The following IQCN variants were observed in gnomAD, a reference collection of about 807,000 sequenced individuals.
IQCN encodes IQ domain-containing protein N.
Under a neutral mutation model 64.4 loss-of-function variants are expected in IQCN, and 46 were observed. That is an observed-to-expected ratio of 0.71 (90% CI 0.56 to 0.91). The LOEUF (loss-of-function observed/expected upper bound fraction) is 0.91. IQCN is among the 40% of genes least tolerant of loss of function. The pLI is 0.00. For synonymous variants in IQCN, 733 were observed against 775.6 expected (o/e 0.95, Z 0.91); for missense variants, 1,753 against 1,857.4 (o/e 0.94, Z 1.03).
rs748095173 is a variant in IQCN at position 18,265,462 on chromosome 19, T to A, written c.2078A>T (p.Gln693Leu). 2.6e-5 allele frequency: 42 copies of A among 1,613,654 alleles called. 1 individual carries two copies. In the East Asian group the frequency reaches 9.4e-4, roughly 36 times the overall value. The change falls in exon 3 of 4, where the codon CAG (glutamine) becomes CTG (leucine). Residue 693 changes from glutamine to leucine, a missense_variant. Coordinates refer to ENST00000392413, the MANE Select transcript of IQCN (RefSeq NM_001145304.2). The surrounding 1 kb of genome is among the most constrained non-coding windows in gnomAD (Gnocchi z 4.7). ...GGTCAGCTCAGTGGGCAGATGTCCC[T>A]GAGATGAGGCCTTGGTCAGCGGGGC... The part of the protein sequence containing the change: ...LAAPLTKASS[Q>L]GHLPTELTKT...
rs1193149099 is a variant in IQCN at position 18,265,749 on chromosome 19, A to C, written c.1791T>G (p.Ala597=). ...TTTTCTCGGCTTCCAAAGGAAGCTC[A>C]GCTGCAGCCCTGGGGACCCCAGTTC... is the stretch of plus-strand genomic sequence containing the variant. ...HPGTGVPRAA[A]ELPLEAEKIK... The change falls in exon 3 of 4, where the codon GCT becomes GCG. Residue 597 remains alanine, a synonymous_variant. Coordinates refer to ENST00000392413, the MANE Select transcript of IQCN (RefSeq NM_001145304.2). The surrounding 1 kb of genome is among the most constrained non-coding windows in gnomAD (Gnocchi z 4.7). 2.5e-6 allele frequency: 4 copies of C among 1,614,062 alleles called. No homozygotes were observed. The Admixed American group carries it at 5.0e-5, about 20-fold the overall frequency.
At chr19:18,269,016 G>C (rs919770917) in intron 2 of IQCN, among the ~76,000 whole-genome samples, 2 of 150,510 alleles carry the variant, frequency 1.3e-5, no homozygotes, top group Non-Finnish European at 2.9e-5. Flanking sequence ...TGTAGTCCCA[G>C]CTAGTCGGGA....
intron 1 of IQCN, among the ~76,000 whole-genome samples, chr19:18,272,129 T>C (rs537683745): frequency 3.0e-4 from 32 of 108,256 alleles, no homozygotes; most frequent in African/African-American, 1.0e-3. Flanking sequence ...GCCTGGCCTT[T>C]TTTTTTTTCT....
Position 18,264,660 on chromosome 19 carries a change from C to T in IQCN, c.2880G>A (p.Arg960=), listed in dbSNP as rs1314809477. 11 of 1,551,262 alleles carry T rather than the reference C, an allele frequency of 7.1e-6. No homozygotes were observed. Among genetic ancestry groups the T allele is most frequent in the Non-Finnish European group, 5.2e-6 (6 of 1,147,012 alleles). ...LSRALSRGEL[R]AELTKVMQGK... ...CCTGCATGACCTTGGTGAGTTCCGC[C>T]CGCAGCTCGCCCCGGGACAGGGCTC... is the stretch of plus-strand genomic sequence containing the variant. Residue 960 remains arginine, a synonymous_variant, in exon 3 of 4, where the codon CGG becomes CGA. Transcript: ENST00000392413. The surrounding 1 kb of genome is among the most constrained non-coding windows in gnomAD (Gnocchi z 4.3).
Position 18,257,400 on chromosome 19 carries a change from C to G in IQCN, c.3884G>C (p.Arg1295Thr). 1 of 1,610,898 alleles carries G rather than the reference C, an allele frequency of 6.2e-7. No homozygotes were observed. Among genetic ancestry groups the G allele is most frequent in the Non-Finnish European group, 8.5e-7 (1 of 1,179,584 alleles). ...SAYQLAALSP[R>T]QPHRQDKAAT... Reference sequence around the variant, plus strand: ...CGCTTTGTCCTGGCGATGCGGCTGCCTGGGACTCAGGGCAGCCAGCTGGTA... The same window carrying G: ...CGCTTTGTCCTGGCGATGCGGCTGCGTGGGACTCAGGGCAGCCAGCTGGTA... Residue 1295 changes from arginine (R) to threonine (T), a missense_variant, in exon 4 of 4, where the codon AGG becomes ACG. Coordinates refer to ENST00000392413, the MANE Select transcript of IQCN (RefSeq NM_001145304.2).
Position 18,265,858 on chromosome 19 carries a change from T to C in IQCN, c.1682A>G (p.Lys561Arg). ...PPKAKATVNV[K>R]QAAKVVKASS... is the part of the protein sequence containing the mutation. ...GGCTTTCACCACCTTTGCAGCCTGCTTCACATTCACGGTGGCCTTGGCCTT... is the reference window on the plus strand; with the variant it reads ...GGCTTTCACCACCTTTGCAGCCTGCCTCACATTCACGGTGGCCTTGGCCTT... The change falls in exon 3 of 4, where the codon AAG becomes AGG. Residue 561 changes from lysine to arginine, a missense_variant. Transcript: ENST00000392413. The surrounding 1 kb of genome is among the most constrained non-coding windows in gnomAD (Gnocchi z 4.7). The C allele has an allele frequency of 6.2e-7, 1 of 1,614,190 alleles. No individual in the cohort carries two copies. The highest frequency in any genetic ancestry group is 8.5e-7 in the Non-Finnish European group (1 of 1,180,024).
intron 3 of IQCN, chr19:18,258,526 CTG>C: frequency 2.3e-6 from 1 of 431,024 alleles, no homozygotes; most frequent in South Asian, 1.7e-5. Flanking sequence ...TTTCCAGACA[CTG>C]TTTTCTGGAG....
At chr19:18,270,359 CAAA>C (rs199590561) in intron 1 of IQCN, among the ~76,000 whole-genome samples, 2 of 121,526 alleles carry the variant, frequency 1.6e-5, no homozygotes, top group Non-Finnish European at 1.8e-5. Context: ...AAAACTGTCT[CAAA>C]AAAAAAAAAA....
chr19:18,268,806 AC>A (rs1969666137), intron 2 of IQCN, among the ~76,000 whole-genome samples: 2 of 152,082 alleles, frequency 1.3e-5, no homozygotes, highest in African/African-American at 4.8e-5. Flanking sequence ...TACTGAAAAT[AC>A]AAAAATTAGC....
chr19:18,269,407 G>A, intron 2 of IQCN, 59 bp downstream of exon 2: 2 of 1,571,406 alleles, frequency 1.3e-6, no homozygotes, highest in Non-Finnish European at 1.8e-6. Context: ...TTGTTTGGCA[G>A]AAGCCCCTCT....
rs781247377 is a variant in IQCN, at chr19:18,267,061, T to C, written c.479A>G (p.Glu160Gly). Residue 160 changes from glutamate (E) to glycine (G), a missense_variant, in exon 3 of 4, where the codon GAG becomes GGG. Transcript: ENST00000392413. ...TGGGGCGTGATAAGGTATGTCCCCC[T>C]CCTCCGCCCTCGTTTTCTTTACCAA... Reference protein sequence around the residue: ...KSLVKKTRAEEGDIPYHAPQQ... With the variant: ...KSLVKKTRAEGGDIPYHAPQQ... The C allele has an allele frequency of 1.1e-5, 17 of 1,614,124 alleles. No individual in the cohort carries two copies.
intron 1 of IQCN, among the ~76,000 whole-genome samples, chr19:18,271,691 A>G (rs1158763771): frequency 1.3e-5 from 2 of 152,142 alleles, no homozygotes; most frequent in Non-Finnish European, 2.9e-5. Context: ...AGATGTGGGA[A>G]CAGGTTATCA....
At chr19:18,259,009 G>T in intron 3 of IQCN, 1 of 158,382 alleles carries the variant, frequency 6.3e-6, no homozygotes. Context: ...ATAGGTCATT[G>T]GATCCACTTG....
Position 18,265,711 on chromosome 19 carries a change from G to T in IQCN, c.1829C>A (p.Thr610Asn). ...PLEAEKIKTG[T>N]QKQAKTDMAF... is the part of the protein sequence containing the mutation. The stretch of plus-strand genomic sequence containing the variant: ...CATGTCTGTTTTCGCCTGTTTCTGG[G>T]TGCCAGTCTTGATTTTCTCGGCTTC... Residue 610 changes from threonine (T) to asparagine (N), a missense_variant, in exon 3 of 4, where the codon ACC becomes AAC. Physicochemically the swap from Thr to Asn is moderately conservative, Grantham distance 65. Transcript: ENST00000392413. This position sits in a 1 kb window ranked among gnomAD's most constrained non-coding sequence, Gnocchi z 4.7. 1.9e-6 allele frequency: 3 copies of T among 1,614,140 alleles called. No individual in the cohort carries two copies. Among genetic ancestry groups the T allele is most frequent in the South Asian group, 2.2e-5 (2 of 91,086 alleles).
At position 18,266,302 on chromosome 19, in the gene IQCN, C is replaced by T; in HGVS notation, c.1238G>A (p.Gly413Asp). 1 of 1,613,242 alleles carries T rather than the reference C, an allele frequency of 6.2e-7. No homozygotes were observed. The highest frequency in any genetic ancestry group is 1.3e-5 in the African/African-American group (1 of 74,944). The change falls in exon 3 of 4, where the codon GGC becomes GAC. Residue 413 changes from glycine to aspartate, a missense_variant. Transcript: ENST00000392413. This position sits in a 1 kb window ranked among gnomAD's most constrained non-coding sequence, Gnocchi z 4.3. The stretch of plus-strand genomic sequence containing the variant: ...CGCAGGGCATGTCTGCCGTGGGGTG[C>T]CAGTTCTGGAGGCTGTGGGGTGTAC... ...IQVHPTASRT[G>D]TPRQTCPATI...
Position 18,264,516 on chromosome 19 carries a change from G to A in IQCN, c.3024C>T (p.Ala1008=), listed in dbSNP as rs1969500309. The change falls in exon 3 of 4, where the codon GCC becomes GCT. Residue 1008 remains alanine, a synonymous_variant. Coordinates refer to ENST00000392413, the MANE Select transcript of IQCN (RefSeq NM_001145304.2). The surrounding 1 kb of genome is among the most constrained non-coding windows in gnomAD (Gnocchi z 4.3). ...TGGGGAGGATGGTTCCAGTCCTCAG[G>A]GCCACCCGACACCAAGACTGGCTCA... The part of the protein sequence containing the change: ...ALLSQSWCRV[A]LRTGTILPKA... 5.8e-6 allele frequency: 9 copies of A among 1,551,340 alleles called. No individual in the cohort carries two copies. Among genetic ancestry groups the A allele is most frequent in the Non-Finnish European group, 7.8e-6 (9 of 1,146,914 alleles).
chr19:18,271,588 G>A (rs1969736660), intron 1 of IQCN, among the ~76,000 whole-genome samples: 1 of 152,060 alleles, frequency 6.6e-6, no homozygotes, highest in Non-Finnish European at 1.5e-5. Context: ...GTATGGTCCC[G>A]CCTAACAAGT....
intron 2 of IQCN, 97 bp from the exon 3 acceptor site, chr19:18,267,623 G>A: frequency 7.0e-7 from 1 of 1,419,420 alleles, no homozygotes; most frequent in Non-Finnish European, 9.3e-7. Flanking sequence ...CCCAGATCTT[G>A]TTCCTGGCAC....
At position 18,266,708 on chromosome 19, in the gene IQCN, A is replaced by G; in HGVS notation, c.832T>C (p.Ser278Pro). 1 of 1,614,040 alleles carries G rather than the reference A, an allele frequency of 6.2e-7. No individual in the cohort carries two copies. The highest frequency in any genetic ancestry group is 2.2e-5 in the East Asian group (1 of 44,868). ...STCLVHIEGD[S>P]VKTKRVSART... Reference sequence around the variant, plus strand: ...GCACTTACACGTTTGGTCTTCACTGAGTCACCCTCTATGTGGACGAGGCAG... The same window carrying G: ...GCACTTACACGTTTGGTCTTCACTGGGTCACCCTCTATGTGGACGAGGCAG... The change falls in exon 3 of 4, where the codon TCA becomes CCA. Residue 278 changes from serine (S) to proline (P), a missense_variant. Physicochemically the swap from Ser to Pro is moderately conservative, Grantham distance 74. Coordinates refer to ENST00000392413, the MANE Select transcript of IQCN (RefSeq NM_001145304.2). The surrounding 1 kb of genome is among the most constrained non-coding windows in gnomAD (Gnocchi z 4.3).
Sources: allele counts gnomAD v4.1 joint callset (sites outside exome capture counted in the v4.1 genomes callset), GRCh38; gene constraint gnomAD v4.1.1; non-coding constraint Gnocchi (gnomAD v3.1); transcripts MANE v1.5; gene names NCBI Gene and HGNC (gene_info 2026-07-23, HGNC 2026-07-21).